Variants in IL1RAPL1 observed in about 807,000 individuals in gnomAD.
IL1RAPL1 encodes interleukin 1 receptor accessory protein like 1, also known as interleukin-1 receptor accessory protein-like 1.
In IL1RAPL1, 3 loss-of-function variants were observed where a neutral mutation model predicts 48.4. The observed-to-expected ratio is 0.06, with a 90% CI of 0.03 to 0.16. IL1RAPL1 has a LOEUF of 0.16. Ranked by LOEUF, IL1RAPL1 falls within the 10% of genes least tolerant of loss-of-function variation. The probability of loss-of-function intolerance (pLI) is 1.00; values close to 1 mark genes in which losing one functional copy is unlikely to be tolerated. For synonymous variants in IL1RAPL1, 185 were observed against 187.7 expected, an observed-to-expected ratio of 0.99 and a Z score of 0.12; for missense variants, 349 against 530.6, an observed-to-expected ratio of 0.66 and a Z score of 3.36.
At chrX:29,524,902 G>A (rs774556075) in intron 5 of IL1RAPL1, among the ~76,000 whole-genome samples, 16 of 112,143 alleles carry the variant, frequency 1.4e-4, no homozygotes, top group African/African-American at 5.2e-4. Flanking sequence ...TCAGCTTTGT[G>A]TACCTTTATA....
chrX:28,966,929 T>A (rs1217753979), intron 2 of IL1RAPL1, among the ~76,000 whole-genome samples: 2 of 111,942 alleles, frequency 1.8e-5, no homozygotes. Flanking sequence ...TTTCTGAATG[T>A]TTTTCCACAA....
chrX:29,920,546 G>C (rs1370939412), intron 8 of IL1RAPL1, among the ~76,000 whole-genome samples: 1 of 110,235 alleles, frequency 9.1e-6, no homozygotes, highest in Non-Finnish European at 1.9e-5. Context: ...TGTAATCCCA[G>C]CACTGTGGGA....
intron 6 of IL1RAPL1, among the ~76,000 whole-genome samples, chrX:29,673,133 T>A (rs942269324): frequency 2.7e-5 from 3 of 112,226 alleles, no homozygotes; most frequent in African/African-American, 9.7e-5. Flanking sequence ...AAAATGTCCA[T>A]ACATTTTATT....
At chrX:29,691,932 A>G (rs1012053286) in intron 6 of IL1RAPL1, among the ~76,000 whole-genome samples, 3 of 112,127 alleles carry the variant, frequency 2.7e-5, no homozygotes, top group African/African-American at 9.7e-5. Context: ...GTGAAAACCA[A>G]TGCAAATGTG....
intron 6 of IL1RAPL1, among the ~76,000 whole-genome samples, chrX:29,767,353 A>G (rs1928939909): frequency 8.9e-6 from 1 of 112,148 alleles, no homozygotes; most frequent in Non-Finnish European, 1.9e-5. Flanking sequence ...AGGTGTTTCC[A>G]TTTGTATCTG....
intron 5 of IL1RAPL1, among the ~76,000 whole-genome samples, chrX:29,545,178 C>CCTAT (rs74314245): frequency 0.013 from 1,219 of 91,839 alleles, 11 homozygotes; most frequent in East Asian, 0.02. Flanking sequence ...GAAAACTAAT[C>CCTAT]CTATCTATCT....
At chrX:29,330,400 A>G (rs891199526) in intron 3 of IL1RAPL1, among the ~76,000 whole-genome samples, 4 of 111,706 alleles carry the variant, frequency 3.6e-5, no homozygotes, top group Non-Finnish European at 7.5e-5. Context: ...GGGCTACTGC[A>G]GACAGGAGTA....
At chrX:28,682,876 T>C (rs1443674020) in intron 1 of IL1RAPL1, among the ~76,000 whole-genome samples, 1 of 112,026 alleles carries the variant, frequency 8.9e-6, no homozygotes, top group Non-Finnish European at 1.9e-5. Flanking sequence ...AGCACAAATA[T>C]ACTTTCTAGC....
At chrX:29,364,067 G>A (rs1013600416) in intron 3 of IL1RAPL1, among the ~76,000 whole-genome samples, 1 of 112,408 alleles carries the variant, frequency 8.9e-6, no homozygotes, top group Middle Eastern at 4.2e-3. Context: ...CCTAAATCAT[G>A]ACTTCAGAAA....
intron 5 of IL1RAPL1, among the ~76,000 whole-genome samples, chrX:29,534,691 G>A (rs191244715): frequency 5.5e-4 from 61 of 110,372 alleles, no homozygotes; most frequent in African/African-American, 1.9e-3. Context: ...AAATTAGGCC[G>A]GGCGCGGTGG....
At chrX:29,483,718 C>T (rs1349496550) in intron 5 of IL1RAPL1, among the ~76,000 whole-genome samples, 6 of 107,948 alleles carry the variant, frequency 5.6e-5, no homozygotes, top group South Asian at 4.1e-4. Flanking sequence ...AGACAGGGCC[C>T]GGCTCTGTCA....
intron 1 of IL1RAPL1, among the ~76,000 whole-genome samples, chrX:28,686,646 G>A (rs1569151786): frequency 8.9e-6 from 1 of 112,185 alleles, no homozygotes; most frequent in East Asian, 2.8e-4. Flanking sequence ...CAGCTCAATA[G>A]CCTCAGGGAA....
At chrX:29,042,621 T>C (rs1926871358) in intron 2 of IL1RAPL1, among the ~76,000 whole-genome samples, 1 of 111,817 alleles carries the variant, frequency 8.9e-6, no homozygotes, top group Non-Finnish European at 1.9e-5. Flanking sequence ...ATATTATTCA[T>C]CTTTTGTAGG....
At chrX:29,014,866 T>A (rs1054836631) in intron 2 of IL1RAPL1, among the ~76,000 whole-genome samples, 14 of 111,735 alleles carry the variant, frequency 1.3e-4, no homozygotes, top group African/African-American at 4.5e-4. Context: ...ATGTGGTGAT[T>A]ATGCTCTCAT....
chrX:29,600,624 A>T (rs911115696), intron 5 of IL1RAPL1, among the ~76,000 whole-genome samples: 1 of 110,346 alleles, frequency 9.1e-6, no homozygotes, highest in Admixed American at 9.6e-5. Context: ...AGGGCCATAG[A>T]CCTCCCAAGA....
chrX:29,199,292 A>G (rs893364606), intron 2 of IL1RAPL1, among the ~76,000 whole-genome samples: 122 of 111,513 alleles, frequency 1.1e-3, no homozygotes, highest in Non-Finnish European at 2.1e-3. Flanking sequence ...AAATACACCC[A>G]AATGATAAGT....
At chrX:29,947,538 T>C (rs1019855130) in intron 9 of IL1RAPL1, among the ~76,000 whole-genome samples, 4 of 111,412 alleles carry the variant, frequency 3.6e-5, no homozygotes, top group Non-Finnish European at 7.6e-5. Context: ...AATCTCCACC[T>C]CCATCTCAGA....
rs186643455 is a variant in IL1RAPL1 at position 29,177,951 on chromosome X, C to G, written c.83-104987C>G. On this transcript the variant is annotated intron_variant, in intron 2 of 10. Coordinates refer to ENST00000378993, the MANE Select transcript of IL1RAPL1 (RefSeq NM_014271.4). ...TCCTTTTTTATGGCTGCATAGTATTCCATGGTGTATATGTGCCACATTTTC... is the reference window on the plus strand; with the variant it reads ...TCCTTTTTTATGGCTGCATAGTATTGCATGGTGTATATGTGCCACATTTTC... 9.3e-4 allele frequency among the ~76,000 whole-genome samples: 104 copies of G among 112,103 alleles called. 1 individual carries two copies. Among genetic ancestry groups the G allele is most frequent in the African/African-American group, 3.3e-3 (102 of 30,930 alleles).
intron 5 of IL1RAPL1, among the ~76,000 whole-genome samples, chrX:29,443,022 T>C (rs906712475): frequency 7.2e-5 from 8 of 111,526 alleles, no homozygotes; most frequent in Admixed American, 3.8e-4. Context: ...TTCATCCTAG[T>C]TGACTATTTT....
Sources: allele counts gnomAD v4.1 joint callset (sites outside exome capture counted in the v4.1 genomes callset), GRCh38; gene constraint gnomAD v4.1.1; transcripts MANE v1.5; gene names NCBI Gene and HGNC (gene_info 2026-07-23, HGNC 2026-07-21).